Variants in PLPP1 observed in about 807,000 individuals in gnomAD.
The protein encoded by PLPP1 is lipid phosphate phosphohydrolase 1a.
A neutral mutation model predicts 31.2 loss-of-function variants in PLPP1; 24 were observed. The observed-to-expected ratio is 0.77, with a 90% CI of 0.56 to 1.08. The LOEUF (loss-of-function observed/expected upper bound fraction) is 1.08. Among genes scored for constraint, PLPP1 ranks in the 50% least tolerant of loss-of-function variants. The probability of loss-of-function intolerance (pLI) is 0.00; values close to 1 mark genes in which losing one functional copy is unlikely to be tolerated. For missense variants in PLPP1, 319 were observed against 342.7 expected, an observed-to-expected ratio of 0.93 and a Z score of 0.55; for synonymous variants, 146 against 126.3, an observed-to-expected ratio of 1.16 and a Z score of -1.05.
At chr5:55,509,408 C>T (rs1022839052) in intron 1 of PLPP1, among the ~76,000 whole-genome samples, 20 of 152,284 alleles carry the variant, frequency 1.3e-4, no homozygotes, top group Non-Finnish European at 2.4e-4. Context: ...TTAGAGGCAC[C>T]TACATTCTGG....
chr5:55,477,751 C>T (rs1752586799), intron 1 of PLPP1, among the ~76,000 whole-genome samples: 1 of 152,116 alleles, frequency 6.6e-6, no homozygotes, highest in South Asian at 2.1e-4. Context: ...TCACTGTCTA[C>T]AAAGCATATT....
At chr5:55,526,416 C>T (rs1027277159) in intron 1 of PLPP1, among the ~76,000 whole-genome samples, 4 of 152,130 alleles carry the variant, frequency 2.6e-5, no homozygotes, top group Admixed American at 2.0e-4. Flanking sequence ...CAATTTCCTC[C>T]AAGCCTCTGC....
intron 4 of PLPP1, among the ~76,000 whole-genome samples, chr5:55,433,079 C>T (rs1376855968): frequency 1.3e-5 from 2 of 149,098 alleles, no homozygotes; most frequent in Admixed American, 6.7e-5. Flanking sequence ...AAGGTCAAGG[C>T]GGGCAGATCG....
chr5:55,454,091 G>C (rs1369878778), intron 3 of PLPP1, among the ~76,000 whole-genome samples: 3 of 152,054 alleles, frequency 2.0e-5, no homozygotes, highest in African/African-American at 7.2e-5. Flanking sequence ...ATTTTTACAG[G>C]AGTATTTCTG....
chr5:55,513,121 C>T (rs1356691368), intron 1 of PLPP1, among the ~76,000 whole-genome samples: 2 of 152,146 alleles, frequency 1.3e-5, no homozygotes, highest in Non-Finnish European at 2.9e-5. Flanking sequence ...CTAGTCTTAG[C>T]AATTCTACCC....
intron 3 of PLPP1, among the ~76,000 whole-genome samples, chr5:55,465,961 C>T (rs1752284337): frequency 6.6e-6 from 1 of 152,224 alleles, no homozygotes; most frequent in Non-Finnish European, 1.5e-5. Context: ...ATCTACACAG[C>T]CCATACACCT....
At chr5:55,483,669 C>A (rs368358676) in intron 1 of PLPP1, among the ~76,000 whole-genome samples, 1,049 of 117,034 alleles carry the variant, frequency 9.0e-3, no homozygotes, top group Middle Eastern at 0.023. Context: ...GAGACTGTCT[C>A]AAAAAAAAAA....
chr5:55,511,258 T>C (rs1014440597), intron 1 of PLPP1, among the ~76,000 whole-genome samples: 31 of 152,106 alleles, frequency 2.0e-4, no homozygotes, highest in African/African-American at 5.8e-4. Flanking sequence ...ATGAGAGAGT[T>C]TGAGATGGAC....
intron 4 of PLPP1, among the ~76,000 whole-genome samples, chr5:55,433,527 TCTCA>T (rs1751417687): frequency 8.6e-6 from 1 of 116,248 alleles, no homozygotes; most frequent in South Asian, 3.2e-4. Flanking sequence ...TTTGACCGAG[TCTCA>T]CTGTGTCACC....
At chr5:55,526,207 T>C (rs1243762819) in intron 1 of PLPP1, among the ~76,000 whole-genome samples, 1 of 152,056 alleles carries the variant, frequency 6.6e-6, no homozygotes, top group Admixed American at 6.5e-5. Flanking sequence ...AATGACTAAA[T>C]GAGAAAGAGA....
chr5:55,468,129 C>T lies in PLPP1; in HGVS notation c.231G>A (p.Leu77=), dbSNP rs745874787. The part of the protein sequence containing the change: ...SIIVIILGET[L]SVYCNLLHSN... ...AGTGCAAAAGGTTACAGTAAACAGA[C>T]AGGGTTTCTCCAAGAATAATCTGAA... The change falls in exon 3 of 6, where the codon CTG becomes CTA. Residue 77 remains leucine, a synonymous_variant. Transcript: ENST00000307259. 3.1e-6 allele frequency: 5 copies of T among 1,598,402 alleles called. No individual in the cohort carries two copies. The East Asian group carries it at 9.0e-5, about 29-fold the overall frequency.
At chr5:55,498,970 T>C (rs1438783081) in intron 1 of PLPP1, among the ~76,000 whole-genome samples, 1 of 146,786 alleles carries the variant, frequency 6.8e-6, no homozygotes, top group East Asian at 2.0e-4. Flanking sequence ...CACTGAGCTC[T>C]CAGCAGCACC....
intron 3 of PLPP1, among the ~76,000 whole-genome samples, chr5:55,454,462 C>T (rs1751962861): frequency 6.6e-6 from 1 of 152,216 alleles, no homozygotes; most frequent in Non-Finnish European, 1.5e-5. Context: ...CAATAGGTTA[C>T]TGGTCAGTAA....
chr5:55,425,110 G>T lies in PLPP1; in HGVS notation c.*96C>A, dbSNP rs537081151. 3.4e-6 allele frequency: 5 copies of T among 1,459,254 alleles called. No individual in the cohort carries two copies. The highest frequency in any genetic ancestry group is 4.6e-6 in the Non-Finnish European group (5 of 1,081,176). The allele number at this position is 1,459,254 out of a possible 1,614,324, so 90.4% of individuals were successfully genotyped here. A position where few individuals can be genotyped will look rare whatever the true frequency, so the allele number is the denominator to read the frequency against. ...ATAGCAGCAGCAGAAGTCTTTAAAGGCTTGTACACCAGGAAGAAAGATGCA... is the reference window on the plus strand; with the variant it reads ...ATAGCAGCAGCAGAAGTCTTTAAAGTCTTGTACACCAGGAAGAAAGATGCA... On this transcript the variant is annotated 3_prime_UTR_variant, in exon 6 of 6. Coordinates refer to ENST00000307259, the MANE Select transcript of PLPP1 (RefSeq NM_003711.4).
chr5:55,426,205 T>TAAAG (rs1333615926), intron 4 of PLPP1, among the ~76,000 whole-genome samples, 166 bp from the exon 5 acceptor site: 1 of 152,196 alleles, frequency 6.6e-6, no homozygotes, highest in East Asian at 1.9e-4. Context: ...GTTAATCCTT[T>TAAAG]AAAGAAACAA....
At position 55,460,382 on chromosome 5, in the gene PLPP1, C is replaced by T. The variant is rs140372169; in HGVS notation, c.491+7487G>A. Among the ~76,000 whole-genome samples, 44 of 151,968 alleles carry T rather than the reference C, an allele frequency of 2.9e-4. No homozygotes were observed. In the East Asian group the frequency reaches 7.4e-3, roughly 25 times the overall value. On this transcript the variant is annotated intron_variant, in intron 3 of 5. Transcript: ENST00000307259. ...TAAAAATCAATGAAATCAAAAGAAA[C>T]CCTTGAAACTAACCAAAAGGTTAAT...
chr5:55,495,244 T>C (rs1442810281), intron 1 of PLPP1, among the ~76,000 whole-genome samples: 3 of 151,622 alleles, frequency 2.0e-5, no homozygotes, highest in African/African-American at 7.3e-5. Flanking sequence ...CAACTTAAGC[T>C]AGGAGAATAA....
chr5:55,530,458 G>T, intron 1 of PLPP1: 1 of 1,246,834 alleles, frequency 8.0e-7, no homozygotes, highest in Non-Finnish European at 1.2e-6. Context: ...GTATTCTCTT[G>T]GTAAGTTTCT....
intron 1 of PLPP1, among the ~76,000 whole-genome samples, chr5:55,512,979 TA>T (rs1753471661): frequency 6.6e-6 from 1 of 152,242 alleles, no homozygotes; most frequent in African/African-American, 2.4e-5. Context: ...CAGAGTTTAT[TA>T]AGTCTTTAAA....
Sources: allele counts gnomAD v4.1 joint callset (sites outside exome capture counted in the v4.1 genomes callset), GRCh38; gene constraint gnomAD v4.1.1; transcripts MANE v1.5; gene names NCBI Gene and HGNC (gene_info 2026-07-23, HGNC 2026-07-21).